C3orf70: variants seen among roughly 807,000 people sequenced by gnomAD.
C3orf70 encodes UPF0524 protein C3orf70.
Under a neutral mutation model 20.7 loss-of-function variants are expected in C3orf70, and 15 were observed. The observed-to-expected ratio is 0.72, with a 90% CI of 0.48 to 1.11. C3orf70 has a LOEUF of 1.11. C3orf70 is among the 50% of genes most tolerant of loss of function. The pLI is 0.00. For missense variants in C3orf70, 332 were observed against 317.6 expected (o/e 1.05, Z -0.34); for synonymous variants, 161 against 125.7 (o/e 1.28, Z -1.88).
chr3:185,142,528 G>C lies in C3orf70; in HGVS notation c.196+10100C>G, dbSNP rs1287909652. On this transcript the variant is annotated intron_variant, in intron 1 of 1. Coordinates refer to ENST00000335012, the MANE Select transcript of C3orf70 (RefSeq NM_001025266.3). Reference sequence around the variant, plus strand: ...AAAAGATGTCATCAAATGGTAGAAGGAATGACAAAATTTGAACATCGCTGT... The same window carrying C: ...AAAAGATGTCATCAAATGGTAGAAGCAATGACAAAATTTGAACATCGCTGT... Among the ~76,000 whole-genome samples, 8 of 152,204 alleles carry C rather than the reference G, an allele frequency of 5.3e-5. No individual in the cohort carries two copies. The East Asian group carries it at 1.5e-3, about 29-fold the overall frequency.
intron 1 of C3orf70, among the ~76,000 whole-genome samples, chr3:185,141,395 A>G (rs758224489): frequency 5.9e-5 from 9 of 152,162 alleles, no homozygotes; most frequent in African/African-American, 7.2e-5. Flanking sequence ...CATACAGCCT[A>G]GCACTTGCAC....
At position 185,144,143 on chromosome 3, in the gene C3orf70, G is replaced by A. The variant is rs540482845; in HGVS notation, c.196+8485C>T. 3.3e-5 allele frequency among the ~76,000 whole-genome samples: 5 copies of A among 152,066 alleles called. No individual in the cohort carries two copies. The South Asian group carries it at 6.2e-4, about 19-fold the overall frequency. ...AGTGTTTAATTGAACAAATCAGTAC[G>A]GTCACAGGGTAGATTCCAGATTAAC... On this transcript the variant is annotated intron_variant, in intron 1 of 1. Transcript: ENST00000335012.
In C3orf70 at chr3:185,141,115, C is replaced by CA. The variant is rs764566341; in HGVS notation, c.196+11512dup. 5.3e-5 allele frequency among the ~76,000 whole-genome samples: 8 copies of CA among 152,282 alleles called. No homozygotes were observed. In the East Asian group the frequency reaches 1.4e-3, roughly 26 times the overall value. Reference sequence around the variant, plus strand: ...CCCAAAGATGCTGGCACCCTTATCTCAGTCTTCCAGCTTCTAGAACTGCAA... The same window carrying CA: ...CCCAAAGATGCTGGCACCCTTATCTCAAGTCTTCCAGCTTCTAGAACTGCAA... On this transcript the variant is annotated intron_variant, in intron 1 of 1. Coordinates refer to ENST00000335012, the MANE Select transcript of C3orf70 (RefSeq NM_001025266.3).
At chr3:185,149,221 C>T (rs1716935197) in intron 1 of C3orf70, among the ~76,000 whole-genome samples, 1 of 152,008 alleles carries the variant, frequency 6.6e-6, no homozygotes, top group African/African-American at 2.4e-5. Flanking sequence ...GGTGAAATCC[C>T]GTCTCTACTA....
chr3:185,119,938 C>T (rs1056747976), intron 1 of C3orf70, among the ~76,000 whole-genome samples: 2 of 146,554 alleles, frequency 1.4e-5, no homozygotes, highest in African/African-American at 5.1e-5. Context: ...AGGAGGATCG[C>T]TTGAATGTGG....
rs765303674 is a variant in C3orf70 at position 185,083,397 on chromosome 3, C to G, written c.363G>C (p.Pro121=). Residue 121 remains proline (P), a synonymous_variant, in exon 2 of 2, where the codon CCG becomes CCC. Transcript: ENST00000335012. ...VFQPPLPPDS[P]RYCMISDLFI... is the part of the protein sequence containing the mutation. ...AAAGGTCTGAAATCATACAGTACCTCGGTGAGTCAGGGGGAAGGGGAGGCT... is the reference window on the plus strand; with the variant it reads ...AAAGGTCTGAAATCATACAGTACCTGGGTGAGTCAGGGGGAAGGGGAGGCT... 6.2e-7 allele frequency: 1 copy of G among 1,614,064 alleles called. No individual in the cohort carries two copies. Among genetic ancestry groups the G allele is most frequent in the Non-Finnish European group, 8.5e-7 (1 of 1,180,024 alleles).
At position 185,081,671 on chromosome 3, in the gene C3orf70, G is replaced by A. The variant is rs1050528000; in HGVS notation, c.*1336C>T. On this transcript the variant is annotated 3_prime_UTR_variant, in exon 2 of 2. Transcript: ENST00000335012. ...TACCTGGTATAAATGGAGAGTAGAAGTAGAATTCTGAAGAGAGCTAAATAA... is the reference window on the plus strand; with the variant it reads ...TACCTGGTATAAATGGAGAGTAGAAATAGAATTCTGAAGAGAGCTAAATAA... 2 of 152,686 alleles carry A rather than the reference G, an allele frequency of 1.3e-5. No individual in the cohort carries two copies. The highest frequency in any genetic ancestry group is 2.4e-5 in the African/African-American group (1 of 41,550). 9.5% of individuals were successfully genotyped at this position (152,686 alleles called of 1,614,324 possible). A position where few individuals can be genotyped will look rare whatever the true frequency, so the allele number is the denominator to read the frequency against.
intron 1 of C3orf70, among the ~76,000 whole-genome samples, chr3:185,105,885 G>C (rs146091163): frequency 5.3e-5 from 8 of 152,320 alleles, no homozygotes; most frequent in Non-Finnish European, 1.2e-4. Context: ...GTGGGGTGTG[G>C]TTTGTTCCAC....
intron 1 of C3orf70, among the ~76,000 whole-genome samples, chr3:185,125,435 C>T (rs1716390875): frequency 6.6e-6 from 1 of 151,300 alleles, no homozygotes; most frequent in South Asian, 2.1e-4. Context: ...ACAACAAAAA[C>T]CAGTTTGGTA....
intron 1 of C3orf70, among the ~76,000 whole-genome samples, chr3:185,124,652 G>A (rs1021302018): frequency 8.6e-5 from 13 of 151,962 alleles, no homozygotes; most frequent in East Asian, 3.9e-4. Context: ...AACAGAACAC[G>A]AAAAGCATAA....
intron 1 of C3orf70, among the ~76,000 whole-genome samples, chr3:185,088,993 G>T (rs1189817682): frequency 2.0e-5 from 3 of 152,160 alleles, no homozygotes; most frequent in Non-Finnish European, 4.4e-5. Context: ...AGAGGGGAGG[G>T]TTTGTGCTAT....
At chr3:185,120,166 T>C (rs533029655) in intron 1 of C3orf70, among the ~76,000 whole-genome samples, 1 of 152,296 alleles carries the variant, frequency 6.6e-6, no homozygotes, top group Admixed American at 6.5e-5. Flanking sequence ...ATAAATACAT[T>C]TCTGTCTAAC....
chr3:185,152,089 C>A (rs995037362), intron 1 of C3orf70, among the ~76,000 whole-genome samples: 1 of 152,216 alleles, frequency 6.6e-6, no homozygotes, highest in African/African-American at 2.4e-5. Context: ...TGGAAGCAAT[C>A]CCTCCCACAT....
At chr3:185,091,930 T>C (rs1397248728) in intron 1 of C3orf70, among the ~76,000 whole-genome samples, 3 of 5,194 alleles carry the variant, frequency 5.8e-4, no homozygotes, top group African/African-American at 1.3e-3. Flanking sequence ...TATATATATA[T>C]ATATATATAT....
At chr3:185,083,792 G>A (rs1313457714) in intron 1 of C3orf70, among the ~76,000 whole-genome samples, 2 of 151,294 alleles carry the variant, frequency 1.3e-5, no homozygotes, top group East Asian at 3.9e-4. Flanking sequence ...ATTTATATTT[G>A]TGTCTTTCTG....
At chr3:185,147,118 G>C (rs1716893017) in intron 1 of C3orf70, among the ~76,000 whole-genome samples, 1 of 152,186 alleles carries the variant, frequency 6.6e-6, no homozygotes, top group Non-Finnish European at 1.5e-5. Context: ...ACCTTTTGCT[G>C]TGACAGTCTT....
intron 1 of C3orf70, among the ~76,000 whole-genome samples, chr3:185,084,740 A>T (rs1715424547): frequency 6.6e-6 from 1 of 152,220 alleles, no homozygotes; most frequent in Non-Finnish European, 1.5e-5. Flanking sequence ...TTCATTCAAC[A>T]TCTAGCAAAG....
rs529406202 is a variant in C3orf70 at position 185,133,645 on chromosome 3, A to C, written c.196+18983T>G. Among the ~76,000 whole-genome samples the C allele has an allele frequency of 2.0e-5, 3 of 152,168 alleles. No homozygotes were observed. In the South Asian group the frequency reaches 6.2e-4, roughly 32 times the overall value. Reference sequence around the variant, plus strand: ...AATCATAGCTACTTGGGAGGCTGAGAGAGGAGAATCCCTTGAACCCTGGGG... The same window carrying C: ...AATCATAGCTACTTGGGAGGCTGAGCGAGGAGAATCCCTTGAACCCTGGGG... On this transcript the variant is annotated intron_variant, in intron 1 of 1. Transcript: ENST00000335012.
chr3:185,152,586 C>T (rs573496843), intron 1 of C3orf70, 42 bp downstream of exon 1: 19 of 1,507,234 alleles, frequency 1.3e-5, no homozygotes, highest in Admixed American at 2.1e-5. Flanking sequence ...GCGGGCGTCC[C>T]CCGGACCGCG....
Sources: gnomAD v4.1 joint callset for allele counts (sites outside exome capture counted in the v4.1 genomes callset) on GRCh38, gnomAD v4.1.1 for gene constraint, MANE v1.5 for transcripts, NCBI Gene and HGNC (gene_info 2026-07-23, HGNC 2026-07-21) for gene names.